SHC3: variants seen among roughly 807,000 people sequenced by gnomAD.
SHC3 encodes SHC-transforming protein 3.
In SHC3, 15 loss-of-function variants were observed where a neutral mutation model predicts 60.4. The ratio of observed to expected loss-of-function variants is 0.25; its 90% CI spans 0.17 to 0.38. The LOEUF (loss-of-function observed/expected upper bound fraction) is 0.38. Among genes scored for constraint, SHC3 ranks in the 10% least tolerant of loss-of-function variants. The probability of loss-of-function intolerance (pLI) is 1.00; values close to 1 mark genes in which losing one functional copy is unlikely to be tolerated. For synonymous variants in SHC3, 294 were observed against 325.9 expected, an observed-to-expected ratio of 0.90 and a Z score of 1.05; for missense variants, 677 against 786.1, an observed-to-expected ratio of 0.86 and a Z score of 1.66.
rs890596403 is a variant in SHC3 at position 89,012,017 on chromosome 9, C to T, written c.*1430G>A. 2 of 152,236 alleles carry T rather than the reference C, an allele frequency of 1.3e-5. No homozygotes were observed. Among genetic ancestry groups the T allele is most frequent in the African/African-American group, 4.8e-5 (2 of 41,454 alleles). 9.4% of individuals were successfully genotyped at this position (152,236 alleles called of 1,614,324 possible). On this transcript the variant is annotated 3_prime_UTR_variant, in exon 12 of 12. Coordinates refer to ENST00000375835, the MANE Select transcript of SHC3 (RefSeq NM_016848.6). ...TCTCCTTACAGGATCAGATTTATCA[C>T]TATCCAACTCTAAGCGTGTTTAGTG... is the stretch of plus-strand genomic sequence containing the variant.
chr9:89,101,500 T>C (rs1043566093), intron 2 of SHC3, among the ~76,000 whole-genome samples: 9 of 152,132 alleles, frequency 5.9e-5, no homozygotes, highest in African/African-American at 2.2e-4. Flanking sequence ...GATGCCCTGT[T>C]ATCAGATTGA....
intron 6 of SHC3, among the ~76,000 whole-genome samples, chr9:89,059,764 GGA>G (rs1825046573): frequency 9.2e-6 from 1 of 108,804 alleles, no homozygotes; most frequent in African/African-American, 3.6e-5. Context: ...TGGTGGTGGA[GGA>G]TGGTGGTGGA....
intron 2 of SHC3, among the ~76,000 whole-genome samples, chr9:89,091,041 A>T (rs1825613908): frequency 6.6e-6 from 1 of 152,216 alleles, no homozygotes; most frequent in Admixed American, 6.5e-5. Context: ...GAACACATGA[A>T]AACTCATGCT....
chr9:89,115,364 A>C (rs1826005675), intron 1 of SHC3, among the ~76,000 whole-genome samples: 1 of 152,188 alleles, frequency 6.6e-6, no homozygotes, highest in Admixed American at 6.5e-5. Flanking sequence ...CAATGATGCA[A>C]AATTATGTGA....
At chr9:89,162,676 G>C (rs1826726835) in intron 1 of SHC3, among the ~76,000 whole-genome samples, 1 of 150,466 alleles carries the variant, frequency 6.6e-6, no homozygotes, top group South Asian at 2.1e-4. Context: ...TCAGGACATA[G>C]GCATGGTCAA....
intron 11 of SHC3, among the ~76,000 whole-genome samples, chr9:89,033,504 A>G (rs1008504334): frequency 6.6e-6 from 1 of 152,198 alleles, no homozygotes; most frequent in Non-Finnish European, 1.5e-5. Context: ...CTGATTCTAC[A>G]TCTGCTAGTA....
chr9:89,017,198 T>C (rs1826111951), intron 11 of SHC3, among the ~76,000 whole-genome samples: 1 of 152,194 alleles, frequency 6.6e-6, no homozygotes, highest in South Asian at 2.1e-4. Context: ...AAGACAATTG[T>C]AAGCAGAAAG....
chr9:89,142,673 C>CAAAA (rs769333860), intron 1 of SHC3, among the ~76,000 whole-genome samples: 5 of 83,718 alleles, frequency 6.0e-5, no homozygotes, highest in Admixed American at 2.4e-4. Flanking sequence ...GAGACTCTGT[C>CAAAA]AAAAAAAAAA....
At chr9:89,129,728 G>A (rs747450386) in intron 1 of SHC3, among the ~76,000 whole-genome samples, 2 of 152,124 alleles carry the variant, frequency 1.3e-5, no homozygotes, top group Non-Finnish European at 1.5e-5. Flanking sequence ...GTCACCACCA[G>A]GCCTGCCTTA....
intron 9 of SHC3, among the ~76,000 whole-genome samples, chr9:89,042,934 C>A (rs572335348): frequency 4.6e-5 from 7 of 152,166 alleles, no homozygotes; most frequent in African/African-American, 1.7e-4. Flanking sequence ...TGTTCTGTCA[C>A]CCAGACCCTG....
chr9:89,153,352 G>T (rs148493817), intron 1 of SHC3, among the ~76,000 whole-genome samples: 4 of 152,134 alleles, frequency 2.6e-5, no homozygotes, highest in Non-Finnish European at 5.9e-5. Flanking sequence ...GGCAGCGGCC[G>T]CTGGGAGCTT....
chr9:89,177,928 T>C, intron 1 of SHC3, 59 bp downstream of exon 1: 1 of 1,167,512 alleles, frequency 8.6e-7, no homozygotes, highest in Admixed American at 4.6e-5. Flanking sequence ...AATGAAGGAG[T>C]CTGCCCCGAA....
At chr9:89,107,058 G>A (rs1825870265) in intron 2 of SHC3, among the ~76,000 whole-genome samples, 1 of 152,100 alleles carries the variant, frequency 6.6e-6, no homozygotes, top group Non-Finnish European at 1.5e-5. Flanking sequence ...CTACTCTTTG[G>A]CAAGCATTAG....
chr9:89,048,943 G>T (rs1486945755), intron 7 of SHC3, among the ~76,000 whole-genome samples: 1 of 152,144 alleles, frequency 6.6e-6, no homozygotes, highest in Non-Finnish European at 1.5e-5. Context: ...TACAGGCAGG[G>T]CCCCTTGTCA....
At chr9:89,137,700 T>C (rs112269322) in intron 1 of SHC3, among the ~76,000 whole-genome samples, 1,658 of 152,258 alleles carry the variant, frequency 0.011, 15 homozygotes, top group Non-Finnish European at 0.016. Context: ...GAAATGAGAA[T>C]GTCAGTGATA....
chr9:89,043,457 AAGG>A (rs1824720636), intron 9 of SHC3, among the ~76,000 whole-genome samples: 1 of 152,326 alleles, frequency 6.6e-6, no homozygotes, highest in South Asian at 2.1e-4. Context: ...AAAATTTTAA[AAGG>A]AGAAGATCAA....
rs150892127 is a variant in SHC3, at chr9:89,076,898, G to A, written c.609+942C>T. 3.4e-3 allele frequency among the ~76,000 whole-genome samples: 521 copies of A among 152,246 alleles called. 1 individual carries two copies. Among genetic ancestry groups the A allele is most frequent in the Non-Finnish European group, 5.5e-3 (374 of 68,022 alleles). On this transcript the variant is annotated intron_variant, in intron 3 of 11. Transcript: ENST00000375835. ...TACCTTTAAAAAAACAGACAATAGG[G>A]CCGGGCATGGTGGCTCACACCTGTA...
At chr9:89,132,629 T>C (rs1479400542) in intron 1 of SHC3, among the ~76,000 whole-genome samples, 1 of 152,176 alleles carries the variant, frequency 6.6e-6, no homozygotes, top group African/African-American at 2.4e-5. Context: ...ATCTGATCTT[T>C]GACAAACCTG....
chr9:89,087,046 C>T (rs1383980254), intron 2 of SHC3, among the ~76,000 whole-genome samples: 2 of 152,174 alleles, frequency 1.3e-5, no homozygotes, highest in African/African-American at 2.4e-5. Flanking sequence ...ACCATGCATG[C>T]GCACACCCAT....
Sources: gnomAD v4.1 joint callset for allele counts (sites outside exome capture counted in the v4.1 genomes callset) on GRCh38, gnomAD v4.1.1 for gene constraint, MANE v1.5 for transcripts, NCBI Gene and HGNC (gene_info 2026-07-23, HGNC 2026-07-21) for gene names.